The following MCF2 variants were observed in gnomAD, a reference collection of about 807,000 sequenced individuals.
MCF2 encodes the protein proto-oncogene DBL.
MCF2 carries 44 observed loss-of-function variants against 82.5 expected under a neutral mutation model. That is an observed-to-expected ratio of 0.53 (90% CI 0.42 to 0.69). The LOEUF (loss-of-function observed/expected upper bound fraction) is 0.69, where lower values mean the gene tolerates loss of function less well. Ranked by LOEUF, MCF2 falls within the 30% of genes least tolerant of loss-of-function variation. The pLI is 0.00. For missense variants in MCF2, 623 were observed against 663.1 expected, an observed-to-expected ratio of 0.94 and a Z score of 0.66; for synonymous variants, 217 against 224.9, an observed-to-expected ratio of 0.96 and a Z score of 0.32.
chrX:139,667,196 CTTTT>C (rs77565644), intron 1 of MCF2, among the ~76,000 whole-genome samples: 1 of 90,100 alleles, frequency 1.1e-5, no homozygotes. Context: ...ATTTTGAATT[CTTTT>C]TTTTTTTTTT....
At chrX:139,659,640 C>T (rs1934303498) in intron 1 of MCF2, among the ~76,000 whole-genome samples, 1 of 111,557 alleles carries the variant, frequency 9.0e-6, no homozygotes, top group South Asian at 3.8e-4. Context: ...ACACACGTGC[C>T]ATGTCATCCA....
Position 139,651,986 on chromosome X carries a change from G to C in MCF2, c.-44-198C>G, listed in dbSNP as rs755556596. The stretch of plus-strand genomic sequence containing the variant: ...ACTCGAAAATATCACTGAATAAGTA[G>C]AACCAGTGACCTACTTCTCAGAATC... On this transcript the variant is annotated intron_variant, in intron 1 of 27. Coordinates refer to the MCF2 transcript ENST00000414978. Among the ~76,000 whole-genome samples, 3 of 111,121 alleles carry C rather than the reference G, an allele frequency of 2.7e-5. No homozygotes were observed. The South Asian group carries it at 1.2e-3, about 43-fold the overall frequency.
intron 13 of MCF2, 136 bp downstream of exon 17, chrX:139,605,577 A>C: frequency 2.1e-6 from 1 of 475,622 alleles, no homozygotes; most frequent in Non-Finnish European, 3.5e-6. Context: ...TCAAACAATA[A>C]AAGAAATGCC....
At chrX:139,598,446 T>C in exon 17 of MCF2, 1 of 1,171,321 alleles carries the variant, frequency 8.5e-7, no homozygotes, top group Non-Finnish European at 1.1e-6. Flanking sequence ...TTGCACTGGT[T>C]TGAGTAAATA....
chrX:139,586,617 A>T (rs538286493), intron 22 of MCF2, 130 bp from the exon 27 acceptor site: 1 of 437,213 alleles, frequency 2.3e-6, no homozygotes, highest in South Asian at 4.0e-5. Context: ...AACAGCCAAT[A>T]CTCCCTATTT....
Position 139,694,304 on chromosome X carries a change from TA to T in MCF2, c.-45+13801del, listed in dbSNP as rs766498807. ...TTAAACTTCTGTATAATTAAAAACA[TA>T]AACAAAAGTCAAATCACAAATGGGA... is the stretch of plus-strand genomic sequence containing the variant. On this transcript the variant is annotated intron_variant, in intron 1 of 27. Transcript: ENST00000414978. 1.3e-4 allele frequency among the ~76,000 whole-genome samples: 14 copies of T among 104,490 alleles called. No homozygotes were observed. In the East Asian group the frequency reaches 4.2e-3, roughly 31 times the overall value. The allele number at this position is 104,490 out of a possible 115,157, so 90.7% of individuals were successfully genotyped here.
intron 6 of MCF2, among the ~76,000 whole-genome samples, chrX:139,622,671 A>G (rs1232950903): frequency 2.7e-5 from 3 of 109,125 alleles, no homozygotes; most frequent in Non-Finnish European, 3.8e-5. Flanking sequence ...CATAGGTGGG[A>G]ATTGAACAAT....
intron 16 of MCF2, among the ~76,000 whole-genome samples, chrX:139,598,818 A>T (rs5909045): frequency 2.0e-3 from 225 of 111,926 alleles, no homozygotes; most frequent in Non-Finnish European, 3.6e-3. Context: ...CATGATTAAA[A>T]CGTTCTTTAA....
intron 1 of MCF2, among the ~76,000 whole-genome samples, chrX:139,636,915 T>C (rs748517467): frequency 6.3e-5 from 7 of 111,832 alleles, no homozygotes; most frequent in African/African-American, 1.9e-4. Flanking sequence ...TAATTCTATA[T>C]GCTAATCAGT....
intron 1 of MCF2, among the ~76,000 whole-genome samples, chrX:139,676,338 C>T (rs1445773721): frequency 8.9e-6 from 1 of 111,990 alleles, no homozygotes. Flanking sequence ...ACCCACTGTC[C>T]AACAAGTCCC....
intron 1 of MCF2, chrX:139,692,198 C>A: frequency 1.2e-6 from 1 of 842,254 alleles, no homozygotes; most frequent in Non-Finnish European, 1.7e-6. Context: ...CGCTGGAGAG[C>A]CGGGCAGGGC....
exon 2 of MCF2, chrX:139,651,743 A>G (rs1934025109): frequency 8.6e-7 from 1 of 1,161,921 alleles, no homozygotes; most frequent in Non-Finnish European, 1.2e-6. Context: ...GATGTCTTGC[A>G]TTAAGAAATG....
chrX:139,605,479 A>C (rs1930919636), intron 13 of MCF2, among the ~76,000 whole-genome samples: 2 of 111,545 alleles, frequency 1.8e-5, no homozygotes, highest in South Asian at 7.5e-4. Context: ...CCCTAAGAGA[A>C]CATTTTCTCT....
At chrX:139,671,949 T>G in intron 1 of MCF2, among the ~76,000 whole-genome samples, 1 of 112,010 alleles carries the variant, frequency 8.9e-6, no homozygotes, top group Non-Finnish European at 1.9e-5. Context: ...TCCATGAGCT[T>G]GGAATGTTCT....
chrX:139,654,565 T>G (rs753824253), intron 1 of MCF2, among the ~76,000 whole-genome samples: 125 of 112,276 alleles, frequency 1.1e-3, no homozygotes, highest in African/African-American at 4.0e-3. Context: ...ATGGATAGTT[T>G]GCGAATATTT....
At chrX:139,669,891 G>C (rs146788918) in intron 1 of MCF2, among the ~76,000 whole-genome samples, 11 of 111,846 alleles carry the variant, frequency 9.8e-5, no homozygotes, top group African/African-American at 3.6e-4. Flanking sequence ...CTAGGGCTAG[G>C]GGAATCAGGG....
rs1051255429 is a variant in MCF2 at position 139,617,340 on chromosome X, C to T, written c.999+173G>A. 2.7e-5 allele frequency among the ~76,000 whole-genome samples: 3 copies of T among 111,334 alleles called. No homozygotes were observed. The East Asian group carries it at 8.4e-4, about 31-fold the overall frequency. On this transcript the variant is annotated intron_variant, in intron 8 of 24. Coordinates refer to ENST00000370576, the Ensembl canonical transcript of MCF2. ...TGAAAAAATCATAATCAAACTCAGT[C>T]CTTCAGACTTCTTACAAATTTAATT...
intron 19 of MCF2, among the ~76,000 whole-genome samples, chrX:139,596,219 T>C (rs893175710): frequency 9.0e-6 from 1 of 111,368 alleles, no homozygotes; most frequent in African/African-American, 3.3e-5. Flanking sequence ...CCACCCAGTG[T>C]CACTCGAAAG....
intron 7 of MCF2, among the ~76,000 whole-genome samples, chrX:139,618,491 T>C (rs903053232): frequency 3.6e-5 from 4 of 111,250 alleles, no homozygotes; most frequent in African/African-American, 1.3e-4. Flanking sequence ...TATGTGTTTT[T>C]ACCACAATTA....
Sources: gnomAD v4.1 joint callset for allele counts (sites outside exome capture counted in the v4.1 genomes callset) on GRCh38, gnomAD v4.1.1 for gene constraint, MANE v1.5 for transcripts, NCBI Gene and HGNC (gene_info 2026-07-23, HGNC 2026-07-21) for gene names.